The following TXNDC5 variants were observed in gnomAD, a reference collection of about 807,000 sequenced individuals.
TXNDC5 encodes the protein thioredoxin domain-containing protein 5.
In TXNDC5, 44 loss-of-function variants were observed where a neutral mutation model predicts 52.6. The ratio of observed to expected loss-of-function variants is 0.84; its 90% CI spans 0.66 to 1.08. TXNDC5 has a LOEUF of 1.08. Among genes scored for constraint, TXNDC5 ranks in the 50% least tolerant of loss-of-function variants. The pLI, the probability that TXNDC5 is intolerant of heterozygous loss-of-function variation, is 0.00. For missense variants in TXNDC5, 600 were observed against 565.5 expected, an observed-to-expected ratio of 1.06 and a Z score of -0.62; for synonymous variants, 241 against 234.4, an observed-to-expected ratio of 1.03 and a Z score of -0.26.
Position 7,910,633 on chromosome 6 carries a change from C to G in TXNDC5, c.144G>C (p.Gly48=). The change falls in exon 1 of 10, where the codon GGG becomes GGC. Residue 48 remains glycine, a synonymous_variant. Coordinates refer to ENST00000379757, the MANE Select transcript of TXNDC5 (RefSeq NM_030810.5). ...AQEAAAAAAD[G]PPAADGEDGQ... ...CGTCCTCGCCGTCTGCCGCGGGGGGCCCGTCCGCCGCCGCCGCCGCCGCCT... is the reference window on the plus strand; with the variant it reads ...CGTCCTCGCCGTCTGCCGCGGGGGGGCCGTCCGCCGCCGCCGCCGCCGCCT... 2 of 1,326,258 alleles carry G rather than the reference C, an allele frequency of 1.5e-6. No individual in the cohort carries two copies. Among genetic ancestry groups the G allele is most frequent in the South Asian group, 1.7e-5 (1 of 58,758 alleles). 82.2% of individuals were successfully genotyped at this position (1,326,258 alleles called of 1,614,324 possible).
intron 9 of TXNDC5, among the ~76,000 whole-genome samples, chr6:7,883,759 A>G (rs185944105): frequency 5.5e-4 from 84 of 152,296 alleles, no homozygotes; most frequent in Non-Finnish European, 2.1e-4. Flanking sequence ...TAAGGAAACT[A>G]TGTCTGGGTT....
In TXNDC5 at chr6:7,888,599, A is replaced by T. The variant is rs374766628; in HGVS notation, c.963+106T>A. 21 of 1,398,112 alleles carry T rather than the reference A, an allele frequency of 1.5e-5. No individual in the cohort carries two copies. The East Asian group carries it at 4.4e-4, about 29-fold the overall frequency. 86.6% of individuals were successfully genotyped at this position (1,398,112 alleles called of 1,614,324 possible). On this transcript the variant is annotated intron_variant, in intron 7 of 9. Transcript: ENST00000379757. ...AACCATCAGATGACTGTGTCCCCAA[A>T]CTGTCATTTTGTCCAAAGCATTTGA...
At chr6:7,884,578 G>C (rs1251479295) in intron 8 of TXNDC5, 90 bp from the exon 9 acceptor site, 9 of 1,558,166 alleles carry the variant, frequency 5.8e-6, no homozygotes, top group African/African-American at 1.4e-5. Context: ...TGTTTCTTCT[G>C]TATGGGACAG....
chr6:7,891,645 A>C lies in TXNDC5; in HGVS notation c.708T>G (p.His236Gln), dbSNP rs1760193704. The stretch of plus-strand genomic sequence containing the variant: ...CCTTGCCAATCTTGACAGTTTCGGA[A>C]TGTTCAAGGCCCAGAGCCAGCTGCT... ...TWEQLALGLE[H>Q]SETVKIGKVD... Residue 236 changes from histidine (H) to glutamine (Q), a missense_variant, in exon 5 of 10, where the codon CAT becomes CAG. Physicochemically the swap from His to Gln is conservative, Grantham distance 24. Coordinates refer to ENST00000379757, the MANE Select transcript of TXNDC5 (RefSeq NM_030810.5). The C allele has an allele frequency of 1.2e-6, 2 of 1,613,962 alleles. No homozygotes were observed. The highest frequency in any genetic ancestry group is 1.7e-5 in the Admixed American group (1 of 60,018).
At position 7,886,003 on chromosome 6, in the gene TXNDC5, G is replaced by A. The variant is rs969762443; in HGVS notation, c.1004C>T (p.Thr335Ile). Residue 335 changes from threonine to isoleucine, a missense_variant, in exon 8 of 10, where the codon ACC becomes ATC. By Grantham distance (89) the Thr-to-Ile change is moderately conservative. Coordinates refer to ENST00000379757, the MANE Select transcript of TXNDC5 (RefSeq NM_030810.5). ...GATGAAGGTTATTCCTTCTGCAATG[G>A]TGTCATCGAAGTTATTTTCAGTGAG... ...LALTENNFDDTIAEGITFIKF... is the reference protein window; with the variant it reads ...LALTENNFDDIIAEGITFIKF... 4 of 1,614,140 alleles carry A rather than the reference G, an allele frequency of 2.5e-6. No individual in the cohort carries two copies. The highest frequency in any genetic ancestry group is 3.4e-6 in the Non-Finnish European group (4 of 1,180,008).
intron 1 of TXNDC5, among the ~76,000 whole-genome samples, chr6:7,906,673 C>CAA (rs150982478): frequency 0.053 from 7,015 of 131,178 alleles, 545 homozygotes; most frequent in African/African-American, 0.18. Flanking sequence ...TACTCAGATA[C>CAA]AAAAAAAAAA....
rs1452445541 is a variant in TXNDC5, at chr6:7,884,359, CGAATACTT to C, written c.1168_1175del (p.Lys390GlyfsTer18). 3.1e-6 allele frequency: 5 copies of C among 1,613,876 alleles called. No individual in the cohort carries two copies. Among genetic ancestry groups the C allele is most frequent in the Non-Finnish European group, 4.2e-6 (5 of 1,179,940 alleles). On this transcript the variant is annotated frameshift_variant and splice_region_variant, in exon 9 of 10. Coordinates refer to ENST00000379757, the MANE Select transcript of TXNDC5 (RefSeq NM_030810.5). LOFTEE classifies it low-confidence loss of function (END_TRUNC). Reference sequence around the variant, plus strand: ...CATAAGCATCCATCCAAGTACCCACCGAATACTTGCTGCAGATATTCCGTTCAGCAGTG... The same window carrying C: ...CATAAGCATCCATCCAAGTACCCACCGCTGCAGATATTCCGTTCAGCAGTG...
At chr6:7,902,788 G>A (rs1363620246) in intron 2 of TXNDC5, among the ~76,000 whole-genome samples, 1 of 152,012 alleles carries the variant, frequency 6.6e-6, no homozygotes, top group Non-Finnish European at 1.5e-5. Context: ...TGGTTTACTT[G>A]GGGAGACCAG....
At chr6:7,906,215 T>C (rs1470110752) in intron 1 of TXNDC5, among the ~76,000 whole-genome samples, 4 of 151,990 alleles carry the variant, frequency 2.6e-5, no homozygotes, top group Non-Finnish European at 4.4e-5. Context: ...CACTCCAGCC[T>C]GGGTGACAGA....
chr6:7,897,309 T>C (rs1388810476), intron 3 of TXNDC5, among the ~76,000 whole-genome samples: 1 of 152,240 alleles, frequency 6.6e-6, no homozygotes, highest in African/African-American at 2.4e-5. Flanking sequence ...TTTGAGTTTC[T>C]TGAATATTGC....
At chr6:7,907,022 G>T (rs1329828735) in intron 1 of TXNDC5, among the ~76,000 whole-genome samples, 17 of 152,200 alleles carry the variant, frequency 1.1e-4, no homozygotes, top group Admixed American at 1.1e-3. Flanking sequence ...GACTGGGGCG[G>T]TGTCCAACAA....
intron 7 of TXNDC5, among the ~76,000 whole-genome samples, chr6:7,888,235 G>C (rs1217150100): frequency 6.6e-6 from 1 of 152,230 alleles, no homozygotes; most frequent in Non-Finnish European, 1.5e-5. Context: ...TACAGCTACA[G>C]TCACTGGCCT....
At position 7,899,564 on chromosome 6, in the gene TXNDC5, G is replaced by A; in HGVS notation, c.519+12C>T. The A allele has an allele frequency of 1.2e-6, 2 of 1,608,238 alleles. No homozygotes were observed. The highest frequency in any genetic ancestry group is 2.2e-5 in the East Asian group (1 of 44,780). ...GGGAGGGAGGGAGGGAGGGAAGGAG[G>A]TAGACACTCACCACTGGCTCCTCGT... On this transcript the variant is annotated intron_variant, in intron 3 of 9. Coordinates refer to ENST00000379757, the MANE Select transcript of TXNDC5 (RefSeq NM_030810.5).
Position 7,899,500 on chromosome 6 carries a change from T to C in TXNDC5, c.519+76A>G, listed in dbSNP as rs1760486876. On this transcript the variant is annotated intron_variant, in intron 3 of 9. Coordinates refer to ENST00000379757, the MANE Select transcript of TXNDC5 (RefSeq NM_030810.5). ...TTAACCTCAACTGGCCTCTGCCCCG[T>C]TACATATTACCCCAAAGATGTAGGC... The C allele has an allele frequency of 2.8e-6, 3 of 1,072,028 alleles. No individual in the cohort carries two copies. The African/African-American group carries it at 5.1e-5, about 18-fold the overall frequency. The allele number at this position is 1,072,028 out of a possible 1,614,324, so 66.4% of individuals were successfully genotyped here. A position where few individuals can be genotyped will look rare whatever the true frequency, so the allele number is the denominator to read the frequency against.
intron 1 of TXNDC5, chr6:7,910,134 C>T (rs1581335219): frequency 1.6e-5 from 16 of 987,342 alleles, no homozygotes; most frequent in Non-Finnish European, 1.9e-5. Context: ...TCCGCCCCCT[C>T]CTCCCGCACC....
chr6:7,889,275 C>G, intron 6 of TXNDC5: 1 of 530,688 alleles, frequency 1.9e-6, no homozygotes, highest in South Asian at 2.7e-5. Context: ...GTGGGTTATT[C>G]TAGTGATAAC....
rs540946305 is a variant in TXNDC5 at position 7,883,354 on chromosome 6, C to T, written c.1177-88G>A. The stretch of plus-strand genomic sequence containing the variant: ...TAAATAAAACCAGATACACTCCTAC[C>T]GTTGTGGCTGGAAAAATTCTGTGGC... On this transcript the variant is annotated intron_variant, in intron 9 of 9. Coordinates refer to ENST00000379757, the MANE Select transcript of TXNDC5 (RefSeq NM_030810.5). 130 of 1,580,680 alleles carry T rather than the reference C, an allele frequency of 8.2e-5. No individual in the cohort carries two copies. The African/African-American group carries it at 8.3e-4, about 10-fold the overall frequency.
At chr6:7,904,256 A>T (rs1207432839) in intron 2 of TXNDC5, among the ~76,000 whole-genome samples, 2 of 152,218 alleles carry the variant, frequency 1.3e-5, no homozygotes, top group Non-Finnish European at 2.9e-5. Flanking sequence ...AGTCACCAGC[A>T]AAAGCAAGCC....
At chr6:7,907,165 C>CTTTT (rs55914910) in intron 1 of TXNDC5, among the ~76,000 whole-genome samples, 4 of 143,916 alleles carry the variant, frequency 2.8e-5, no homozygotes, top group South Asian at 4.4e-4. Flanking sequence ...TTTTTTTTCC[C>CTTTT]TTTTTTTTTT....
Sources: allele counts gnomAD v4.1 joint callset (sites outside exome capture counted in the v4.1 genomes callset), GRCh38; gene constraint gnomAD v4.1.1; transcripts MANE v1.5; gene names NCBI Gene and HGNC (gene_info 2026-07-23, HGNC 2026-07-21).